The following ZNF536 variants were observed in gnomAD, a reference collection of about 807,000 sequenced individuals.
ZNF536 encodes the protein zinc finger protein 536.
A neutral mutation model predicts 84.5 loss-of-function variants in ZNF536; 13 were observed. The ratio of observed to expected loss-of-function variants is 0.15; its 90% CI spans 0.10 to 0.24. The LOEUF is 0.24. Among genes scored for constraint, ZNF536 ranks in the 10% least tolerant of loss-of-function variants. The pLI is 1.00. For synonymous variants in ZNF536, 811 were observed against 742.5 expected, an observed-to-expected ratio of 1.09 and a Z score of -1.50; for missense variants, 1,536 against 1,747.5, an observed-to-expected ratio of 0.88 and a Z score of 2.16.
chr19:30,238,116 C>T (rs2023672167), intron 1 of ZNF536, among the ~76,000 whole-genome samples: 1 of 152,188 alleles, frequency 6.6e-6, no homozygotes, highest in South Asian at 2.1e-4. Flanking sequence ...ACCAGCTATT[C>T]AATGAATGGC....
intron 1 of ZNF536, among the ~76,000 whole-genome samples, chr19:30,411,725 A>T (rs1457531511): frequency 6.6e-6 from 1 of 152,046 alleles, no homozygotes; most frequent in Non-Finnish European, 1.5e-5. Flanking sequence ...TTTTGATTTG[A>T]TAGTACACAT....
intron 1 of ZNF536, among the ~76,000 whole-genome samples, chr19:30,627,863 C>G (rs1193592994): frequency 6.6e-6 from 1 of 152,314 alleles, no homozygotes; most frequent in East Asian, 1.9e-4. Context: ...AGCTCTGACC[C>G]TGCGGGTGCA....
In ZNF536 at chr19:30,445,151, G is replaced by T; in HGVS notation, c.1589G>T (p.Gly530Val). The T allele has an allele frequency of 6.2e-7, 1 of 1,614,106 alleles. No homozygotes were observed. Residue 530 changes from glycine to valine, a missense_variant, in exon 2 of 5, where the codon GGC (glycine) becomes GTC (valine). Physicochemically the swap from Gly to Val is moderately radical, Grantham distance 109. Coordinates refer to ENST00000355537, the MANE Select transcript of ZNF536 (RefSeq NM_014717.3). The surrounding 1 kb of genome is among the most constrained non-coding windows in gnomAD (Gnocchi z 4.5). ...CAGGCTTGGCAGCTCATGGCCAGGG[G>T]CATGGCCATGGAACATGGCTTCTTG... is the stretch of plus-strand genomic sequence containing the variant. ...SYQAWQLMAR[G>V]MAMEHGFLSK...
intron 1 of ZNF536, among the ~76,000 whole-genome samples, chr19:30,374,499 G>GT (rs58562524): frequency 6.6e-4 from 99 of 150,922 alleles, no homozygotes; most frequent in Middle Eastern, 3.4e-3. Flanking sequence ...TAAATATAGT[G>GT]TTTTTTTTTA....
chr19:30,273,689 C>T (rs1457076259), intron 1 of ZNF536, among the ~76,000 whole-genome samples: 1 of 152,204 alleles, frequency 6.6e-6, no homozygotes, highest in Non-Finnish European at 1.5e-5. Context: ...TGTAGCTTGT[C>T]TTTTCATTCT....
chr19:30,652,768 G>C (rs1408314798), intron 1 of ZNF536, among the ~76,000 whole-genome samples: 1 of 152,210 alleles, frequency 6.6e-6, no homozygotes. Context: ...CTGTCCTAGT[G>C]ATCTGAGCTG....
At chr19:30,401,464 G>A (rs1418647775) in intron 1 of ZNF536, among the ~76,000 whole-genome samples, 2 of 151,984 alleles carry the variant, frequency 1.3e-5, no homozygotes. Context: ...CCACCCCAGT[G>A]GGGTTTGCTC....
At chr19:30,276,103 GGGA>G (rs2026115029) in intron 1 of ZNF536, among the ~76,000 whole-genome samples, 1 of 152,112 alleles carries the variant, frequency 6.6e-6, no homozygotes. Context: ...GGGCCACCGG[GGGA>G]GTGCAGGGAG....
rs576012192 is a variant in ZNF536 at position 30,355,287 on chromosome 19, T to A, written c.-3+2803T>A. ...GGGTGGGGGAGGTCCCAGACTCTTT[T>A]AAACAACCAGATCTTGTGTGAACCA... On this transcript the variant is annotated intron_variant, in intron 3 of 5. Transcript: ENST00000585628. Among the ~76,000 whole-genome samples the A allele has an allele frequency of 2.0e-5, 3 of 152,234 alleles. No homozygotes were observed. The East Asian group carries it at 5.8e-4, about 30-fold the overall frequency.
At chr19:30,524,248 T>TA (rs1478846581) in intron 2 of ZNF536, among the ~76,000 whole-genome samples, 1 of 152,222 alleles carries the variant, frequency 6.6e-6, no homozygotes, top group Non-Finnish European at 1.5e-5. Context: ...GACACTTTTA[T>TA]AAAAGAGTAT....
intron 1 of ZNF536, among the ~76,000 whole-genome samples, chr19:30,575,551 A>T (rs374598696): frequency 6.6e-6 from 1 of 152,210 alleles, no homozygotes; most frequent in Non-Finnish European, 1.5e-5. Context: ...TGTGCACCAG[A>T]TCCTTTCCTA....
At chr19:30,668,903 C>A (rs1213872803) in intron 1 of ZNF536, among the ~76,000 whole-genome samples, 2 of 152,140 alleles carry the variant, frequency 1.3e-5, no homozygotes, top group African/African-American at 4.8e-5. Flanking sequence ...GATCCCATAC[C>A]CCAAATGCCC....
intron 2 of ZNF536, among the ~76,000 whole-genome samples, chr19:30,523,816 C>A (rs1328884780): frequency 3.3e-5 from 5 of 152,178 alleles, no homozygotes; most frequent in Non-Finnish European, 7.3e-5. Context: ...TGTGTGACCA[C>A]AAGTGTGGTC....
chr19:30,713,352 G>C (rs1253276471), exon 2 of ZNF536: 6 of 151,508 alleles, frequency 4.0e-5, no homozygotes, highest in Non-Finnish European at 1.5e-5. Context: ...ACATTCCTAC[G>C]CAAAGAAAAA....
chr19:30,313,399 C>A (rs547303994), intron 2 of ZNF536, among the ~76,000 whole-genome samples: 1 of 152,330 alleles, frequency 6.6e-6, no homozygotes, highest in Admixed American at 6.5e-5. Flanking sequence ...GGTCCCCTGC[C>A]TTGTCTCCTC....
At chr19:30,434,691 A>G (rs1010645359) in intron 1 of ZNF536, among the ~76,000 whole-genome samples, 1 of 152,182 alleles carries the variant, frequency 6.6e-6, no homozygotes, top group Non-Finnish European at 1.5e-5. Flanking sequence ...GATGATGAAG[A>G]TGAGGATCCT....
chr19:30,525,674 A>G (rs1427615890), intron 2 of ZNF536, among the ~76,000 whole-genome samples: 3 of 152,142 alleles, frequency 2.0e-5, no homozygotes, highest in Non-Finnish European at 2.9e-5. Context: ...ATCAGAGACA[A>G]TCTCTCTCAG....
In ZNF536 at chr19:30,671,560, C is replaced by G. The variant is rs148172738; in HGVS notation, c.170-39197C>G. Among the ~76,000 whole-genome samples, 518 of 152,116 alleles carry G rather than the reference C, an allele frequency of 3.4e-3. 3 individuals carry two copies. Among genetic ancestry groups the G allele is most frequent in the African/African-American group, 0.011 (470 of 41,486 alleles). On this transcript the variant is annotated intron_variant, in intron 1 of 1. Coordinates refer to the ZNF536 transcript ENST00000592773. ...ACTGAGGGAGAAGGAGAAGGGGAAG[C>G]GGGGCAGGGGTGGAGGCCCCAGGTG...
At chr19:30,525,663 G>A (rs908168592) in intron 2 of ZNF536, among the ~76,000 whole-genome samples, 2 of 152,154 alleles carry the variant, frequency 1.3e-5, no homozygotes, top group Non-Finnish European at 1.5e-5. Flanking sequence ...CCAACAGTGC[G>A]ATCAGAGACA....
Sources: allele counts gnomAD v4.1 joint callset (sites outside exome capture counted in the v4.1 genomes callset), GRCh38; gene constraint gnomAD v4.1.1; non-coding constraint Gnocchi (gnomAD v3.1); transcripts MANE v1.5; gene names NCBI Gene and HGNC (gene_info 2026-07-23, HGNC 2026-07-21).